Variants in MNAT1 observed in about 807,000 individuals in gnomAD.
The protein encoded by MNAT1 is MNAT1 component of CDK activating kinase, also known as CDK-activating kinase assembly factor MAT1.
A neutral mutation model predicts 42.0 loss-of-function variants in MNAT1; 43 were observed. The observed-to-expected ratio is 1.02, with a 90% confidence interval of 0.80 to 1.32. The LOEUF (loss-of-function observed/expected upper bound fraction) is 1.32, where lower values mean the gene tolerates loss of function less well. Ranked by LOEUF, MNAT1 falls within the 40% of genes most tolerant of loss-of-function variation. The probability of loss-of-function intolerance (pLI) is 0.00; values close to 1 mark genes in which losing one functional copy is unlikely to be tolerated. For missense variants in MNAT1, 306 were observed against 350.4 expected (o/e 0.87, Z 1.01); for synonymous variants, 118 against 120.0 (o/e 0.98, Z 0.11).
intron 1 of MNAT1, among the ~76,000 whole-genome samples, chr14:60,779,517 G>A (rs987953223): frequency 1.3e-5 from 2 of 152,058 alleles, no homozygotes; most frequent in Admixed American, 1.3e-4. Flanking sequence ...GGCTGGGCGC[G>A]GTGGCCCACA....
chr14:60,857,316 G>A (rs923984317), intron 6 of MNAT1, among the ~76,000 whole-genome samples: 25 of 152,196 alleles, frequency 1.6e-4, no homozygotes, highest in Admixed American at 6.5e-5. Context: ...AGCAGTTCAA[G>A]ACTTAAGCGG....
intron 6 of MNAT1, among the ~76,000 whole-genome samples, chr14:60,822,153 C>A (rs946533620): frequency 6.6e-6 from 1 of 151,758 alleles, no homozygotes; most frequent in Admixed American, 6.6e-5. Context: ...TTTCTTTGGC[C>A]TAAAGAGAGG....
chr14:60,885,533 CT>C (rs990663441), intron 7 of MNAT1, among the ~76,000 whole-genome samples: 1 of 151,808 alleles, frequency 6.6e-6, no homozygotes, highest in African/African-American at 2.4e-5. Context: ...TTTCATACAC[CT>C]TTTGGCCATT....
At chr14:60,836,038 C>G (rs529387890) in intron 6 of MNAT1, among the ~76,000 whole-genome samples, 2 of 152,138 alleles carry the variant, frequency 1.3e-5, no homozygotes, top group South Asian at 2.1e-4. Flanking sequence ...GTTATTGATA[C>G]TTTTGTATGC....
At chr14:60,824,072 G>A (rs766318712) in intron 6 of MNAT1, among the ~76,000 whole-genome samples, 6 of 151,964 alleles carry the variant, frequency 3.9e-5, no homozygotes, top group Admixed American at 1.3e-4. Flanking sequence ...CAGAAGAATC[G>A]CTTGAACCAG....
chr14:60,782,677 C>T (rs1001498964), intron 1 of MNAT1, among the ~76,000 whole-genome samples: 3 of 152,154 alleles, frequency 2.0e-5, no homozygotes, highest in Admixed American at 6.5e-5. Context: ...TAAATCTCAT[C>T]AGCTCTGAAA....
chr14:60,772,627 C>CA (rs1179255811), intron 1 of MNAT1, among the ~76,000 whole-genome samples: 14 of 150,148 alleles, frequency 9.3e-5, no homozygotes, highest in Non-Finnish European at 1.8e-4. Flanking sequence ...CTTGGCTTTC[C>CA]AAAAAAAAAT....
In MNAT1 at chr14:60,863,814, T is replaced by A. The variant is rs112384726; in HGVS notation, c.688-15900T>A. On this transcript the variant is annotated intron_variant, in intron 6 of 7. Coordinates refer to ENST00000261245, the MANE Select transcript of MNAT1 (RefSeq NM_002431.4). Reference sequence around the variant, plus strand: ...TCTCATAAAACATGTCTCTTAATTATGAAGAGTGATTTGTTAAAGTACAAT... The same window carrying A: ...TCTCATAAAACATGTCTCTTAATTAAGAAGAGTGATTTGTTAAAGTACAAT... Among the ~76,000 whole-genome samples the A allele has an allele frequency of 3.0e-3, 463 of 152,168 alleles. 1 individual carries two copies. The highest frequency in any genetic ancestry group is 0.011 in the African/African-American group (440 of 41,568).
At chr14:60,797,950 T>C (rs2032071752) in intron 2 of MNAT1, 137 bp from the exon 3 acceptor site, 3 of 475,778 alleles carry the variant, frequency 6.3e-6, no homozygotes, top group African/African-American at 6.0e-5. Flanking sequence ...AATAAAAAAA[T>C]AGAGAACGAT....
intron 1 of MNAT1, among the ~76,000 whole-genome samples, chr14:60,785,824 G>A (rs1488519229): frequency 6.6e-6 from 1 of 152,186 alleles, no homozygotes; most frequent in East Asian, 1.9e-4. Flanking sequence ...ATAGCCAACT[G>A]TTTAGCTTAA....
chr14:60,770,041 A>C (rs1216437738), intron 1 of MNAT1, among the ~76,000 whole-genome samples: 1 of 152,104 alleles, frequency 6.6e-6, no homozygotes, highest in Non-Finnish European at 1.5e-5. Flanking sequence ...AATCTCTAGA[A>C]CTTTTTCATC....
At chr14:60,934,933 A>G (rs2035962956) in intron 7 of MNAT1, among the ~76,000 whole-genome samples, 1 of 152,210 alleles carries the variant, frequency 6.6e-6, no homozygotes, top group South Asian at 2.1e-4. Context: ...GTAAACAAAT[A>G]TAGAGGTGCT....
At chr14:60,772,580 T>C (rs2031098637) in intron 1 of MNAT1, among the ~76,000 whole-genome samples, 1 of 143,560 alleles carries the variant, frequency 7.0e-6, no homozygotes, top group South Asian at 2.2e-4. Flanking sequence ...TGGACAAGAG[T>C]GAAACTCCCC....
intron 7 of MNAT1, among the ~76,000 whole-genome samples, chr14:60,945,428 T>G (rs1032826367): frequency 6.6e-6 from 1 of 152,182 alleles, no homozygotes; most frequent in African/African-American, 2.4e-5. Flanking sequence ...TGGAATAAAT[T>G]TGAATACCAA....
intron 7 of MNAT1, among the ~76,000 whole-genome samples, chr14:60,911,745 G>A (rs1313953284): frequency 6.6e-6 from 1 of 152,182 alleles, no homozygotes. Flanking sequence ...TTCCAACTAT[G>A]TGGTCAGTTT....
chr14:60,885,710 G>A (rs2034652815), intron 7 of MNAT1, among the ~76,000 whole-genome samples: 1 of 152,002 alleles, frequency 6.6e-6, no homozygotes, highest in Admixed American at 6.6e-5. Context: ...TTTTCCCAAT[G>A]TGTAGGTTGG....
chr14:60,742,456 G>A (rs1896501929), intron 1 of MNAT1, among the ~76,000 whole-genome samples: 1 of 152,036 alleles, frequency 6.6e-6, no homozygotes, highest in Non-Finnish European at 1.5e-5. Flanking sequence ...TTTGTGATTT[G>A]TTGTTATTTT....
intron 7 of MNAT1, among the ~76,000 whole-genome samples, chr14:60,946,112 C>A (rs1479783018): frequency 6.6e-6 from 1 of 152,158 alleles, no homozygotes; most frequent in African/African-American, 2.4e-5. Flanking sequence ...GGATATTAGA[C>A]CATCAAATTG....
intron 6 of MNAT1, among the ~76,000 whole-genome samples, chr14:60,859,305 G>A (rs756649028): frequency 2.6e-5 from 4 of 152,168 alleles, no homozygotes; most frequent in Admixed American, 6.5e-5. Flanking sequence ...TAAAAATTCA[G>A]TGGTTGGTAG....
Sources: allele counts gnomAD v4.1 joint callset (sites outside exome capture counted in the v4.1 genomes callset), GRCh38; gene constraint gnomAD v4.1.1; transcripts MANE v1.5; gene names NCBI Gene and HGNC (gene_info 2026-07-23, HGNC 2026-07-21).